The following NOTCH1 variants were observed in gnomAD, a reference collection of about 807,000 sequenced individuals.
The protein encoded by NOTCH1 is notch receptor 1.
NOTCH1 carries 37 observed loss-of-function variants against 254.8 expected under a neutral mutation model. That is an observed-to-expected ratio of 0.15 (90% confidence interval 0.11 to 0.19). The LOEUF (loss-of-function observed/expected upper bound fraction) is 0.19. Ranked by LOEUF, NOTCH1 falls within the 10% of genes least tolerant of loss-of-function variation. The pLI, the probability that NOTCH1 is intolerant of heterozygous loss-of-function variation, is 1.00. For synonymous variants in NOTCH1, 1,731 were observed against 1,618.1 expected (o/e 1.07, Z -1.68); for missense variants, 2,972 against 3,708.6 (o/e 0.80, Z 5.16).
chr9:136,515,181 G>T, intron 12 of NOTCH1, 109 bp downstream of exon 12: 1 of 991,498 alleles, frequency 1.0e-6, no homozygotes, highest in Non-Finnish European at 1.6e-6. Flanking sequence ...GTCTGCCCAG[G>T]TGGGCAGCAC....
Position 136,522,038 on chromosome 9 carries a change from C to A in NOTCH1, c.742+812G>T, listed in dbSNP as rs576546203. Among the ~76,000 whole-genome samples the A allele has an allele frequency of 2.0e-3, 289 of 148,014 alleles. 1 individual carries two copies. The highest frequency in any genetic ancestry group is 3.7e-3 in the Admixed American group (55 of 14,768). ...TGTCGCCCAGGCTGGAGTGCAGTGG[C>A]GGGATCTCGGCTCACTGCAACCTCC... On this transcript the variant is annotated intron_variant, in intron 4 of 33. Transcript: ENST00000651671.
chr9:136,512,920 G>GGC (rs1843203901), intron 15 of NOTCH1, 101 bp downstream of exon 15: 3 of 350,154 alleles, frequency 8.6e-6, no homozygotes, highest in South Asian at 2.3e-5. Context: ...CCCACCCCTG[G>GGC]CCCCACCCTC....
At chr9:136,522,168 G>C (rs1414012739) in intron 4 of NOTCH1, among the ~76,000 whole-genome samples, 1 of 151,980 alleles carries the variant, frequency 6.6e-6, no homozygotes, top group Non-Finnish European at 1.5e-5. Flanking sequence ...TAGTAGAGAC[G>C]GGGTTTCGCC....
Position 136,505,661 on chromosome 9 carries a change from T to C in NOTCH1, c.4235A>G (p.Tyr1412Cys), listed in dbSNP as rs2133340251. The stretch of plus-strand genomic sequence containing the variant: ...GAATTTGGCGGGGCACAGGCAACGG[T>C]AGAAGGGGCTCTCGGATGTGGGCTC... ...TCEPTSESPF[Y>C]RCLCPAKFNG... is the part of the protein sequence containing the mutation. Residue 1412 changes from tyrosine to cysteine, a missense_variant, in exon 25 of 34, where the codon TAC becomes TGC. Tyr to Cys is a radical substitution (Grantham distance 194). Coordinates refer to ENST00000651671, the MANE Select transcript of NOTCH1 (RefSeq NM_017617.5). The C allele has an allele frequency of 6.2e-7, 1 of 1,611,574 alleles. No individual in the cohort carries two copies. Among genetic ancestry groups the C allele is most frequent in the Non-Finnish European group, 8.5e-7 (1 of 1,179,228 alleles).
intron 18 of NOTCH1, 100 bp downstream of exon 18, chr9:136,509,633 C>T (rs891836956): frequency 4.9e-5 from 53 of 1,073,874 alleles, no homozygotes; most frequent in East Asian, 3.5e-4. Flanking sequence ...AGTGCCCAGC[C>T]GGCCTAGGCG....
At chr9:136,534,485 C>T (rs1410956989) in intron 2 of NOTCH1, among the ~76,000 whole-genome samples, 1 of 152,160 alleles carries the variant, frequency 6.6e-6, no homozygotes, top group African/African-American at 2.4e-5. Flanking sequence ...ACGACTATTT[C>T]TTGGGGAAAA....
rs1164903674 is a variant in NOTCH1, at chr9:136,495,201, C to G, written c.*870G>C. 3 of 399,064 alleles carry G rather than the reference C, an allele frequency of 7.5e-6. No homozygotes were observed. In the East Asian group the frequency reaches 1.1e-4, roughly 14 times the overall value. 24.7% of individuals were successfully genotyped at this position (399,064 alleles called of 1,614,324 possible). On this transcript the variant is annotated 3_prime_UTR_variant, in exon 34 of 34. Transcript: ENST00000651671. ...AAGGGTAGGATGCCTCCGTGTGTGACCCAGGCAAGTGCCACAGTCCACACA... is the reference window on the plus strand; with the variant it reads ...AAGGGTAGGATGCCTCCGTGTGTGAGCCAGGCAAGTGCCACAGTCCACACA...
chr9:136,538,363 C>T (rs1269627414), intron 2 of NOTCH1, among the ~76,000 whole-genome samples: 1 of 152,050 alleles, frequency 6.6e-6, no homozygotes, highest in Non-Finnish European at 1.5e-5. Context: ...ACGCCTTCAG[C>T]CCGCCCCAGG....
chr9:136,518,452 G>A (rs1014666803), intron 6 of NOTCH1, 139 bp downstream of exon 6: 74 of 1,122,750 alleles, frequency 6.6e-5, no homozygotes, highest in Non-Finnish European at 8.9e-5. Flanking sequence ...GACTCACAGC[G>A]ACCACCGGCC....
chr9:136,500,153 A>T (rs934655864), intron 31 of NOTCH1, among the ~76,000 whole-genome samples: 1 of 152,058 alleles, frequency 6.6e-6, no homozygotes, highest in Non-Finnish European at 1.5e-5. Flanking sequence ...CAGCCTCTAA[A>T]CCCTGCTTCT....
rs766784990 is a variant in NOTCH1 at position 136,510,798 on chromosome 9, G to A, written c.2595C>T (p.Thr865=). 2 of 1,609,422 alleles carry A rather than the reference G, an allele frequency of 1.2e-6. No individual in the cohort carries two copies. The highest frequency in any genetic ancestry group is 1.3e-5 in the African/African-American group (1 of 75,064). ...CGCACTCGTTGATGTCGACCTCACA[G>A]GTCTGCCCTGCGGGGCAGGAGGAGG... ...CVCPTGWQGQ[T]CEVDINECVL... Residue 865 remains threonine (T), a synonymous_variant, in exon 17 of 34, where the codon ACC becomes ACT. Transcript: ENST00000651671.
At chr9:136,529,509 G>A (rs944947023) in intron 2 of NOTCH1, among the ~76,000 whole-genome samples, 3 of 152,204 alleles carry the variant, frequency 2.0e-5, no homozygotes, top group Non-Finnish European at 2.9e-5. Context: ...CCACTGGAAC[G>A]GCCAAGCAGC....
chr9:136,514,131 C>G (rs1252342614), intron 13 of NOTCH1, among the ~76,000 whole-genome samples: 1 of 152,236 alleles, frequency 6.6e-6, no homozygotes, highest in Non-Finnish European at 1.5e-5. Context: ...CACGTGCCTT[C>G]TCTGCGCCAA....
chr9:136,519,671 C>T, intron 4 of NOTCH1, 106 bp from the exon 5 acceptor site: 3 of 1,570,468 alleles, frequency 1.9e-6, no homozygotes, highest in Non-Finnish European at 2.6e-6. Flanking sequence ...CTCCACGGCC[C>T]TGCCCTGGGG....
In NOTCH1 at chr9:136,497,423, G is replaced by T; in HGVS notation, c.6316C>A (p.His2106Asn). 6.2e-7 allele frequency: 1 copy of T among 1,611,958 alleles called. No individual in the cohort carries two copies. Among genetic ancestry groups the T allele is most frequent in the Non-Finnish European group, 8.5e-7 (1 of 1,179,924 alleles). ...LPRDIAQERM[H>N]HDIVRLLDEY... is the part of the protein sequence containing the mutation. ...TCCAGCAGCCTCACGATGTCGTGAT[G>T]CATGCGCTCCTGTGCGATGTCGCGC... Residue 2106 changes from histidine to asparagine, a missense_variant, in exon 34 of 34, where the codon CAT (histidine) becomes AAT (asparagine). Transcript: ENST00000651671.
Position 136,497,207 on chromosome 9 carries a change from C to G in NOTCH1, c.6532G>C (p.Ala2178Pro), listed in dbSNP as rs1197184303. ...CGSKEAKDLK[A>P]RRKKSQDGKG... ...CCGTCCTGGGACTTCTTCCTCCGTG[C>G]CTTGAGGTCCTTGGCCTCCTTGCTT... The change falls in exon 34 of 34, where the codon GCA (alanine) becomes CCA (proline). Residue 2178 changes from alanine (A) to proline (P), a missense_variant. Transcript: ENST00000651671. 1 of 1,612,790 alleles carries G rather than the reference C, an allele frequency of 6.2e-7. No individual in the cohort carries two copies.
rs756271917 is a variant in NOTCH1 at position 136,501,800 on chromosome 9, C to T, written c.5586G>A (p.Pro1862=). The T allele has an allele frequency of 5.6e-6, 9 of 1,612,684 alleles. No homozygotes were observed. The highest frequency in any genetic ancestry group is 7.6e-6 in the Non-Finnish European group (9 of 1,179,964). Residue 1862 remains proline, a synonymous_variant, in exon 30 of 34, where the codon CCG becomes CCA. Coordinates refer to ENST00000651671, the MANE Select transcript of NOTCH1 (RefSeq NM_017617.5). ...AGTCGGCGTCAACCTCACCCTGGGG[C>T]GGTGTGGGGGCCATGGCAGACATGC... The part of the protein sequence containing the change: ...DLRMSAMAPT[P]PQGEVDADCM...
chr9:136,515,985 C>A lies in NOTCH1; in HGVS notation c.1665G>T (p.Thr555=). The A allele has an allele frequency of 6.2e-7, 1 of 1,609,278 alleles. No homozygotes were observed. Among genetic ancestry groups the A allele is most frequent in the South Asian group, 1.1e-5 (1 of 91,038 alleles). The change falls in exon 10 of 34, where the codon ACG becomes ACT. Residue 555 remains threonine (T), a synonymous_variant. Coordinates refer to ENST00000651671, the MANE Select transcript of NOTCH1 (RefSeq NM_017617.5). ...CTGGTGGGCGCCAGCCCGCACCTTC[C>A]GTGCACACACAGGTGTAAGTGTTGG... ...DGPNTYTCVC[T]EGYTGTHCEV... is the part of the protein sequence containing the mutation.
rs61751546 is a variant in NOTCH1 at position 136,508,263 on chromosome 9, G to A, written c.3294C>T (p.Ser1098=). 5,666 of 1,612,598 alleles carry A rather than the reference G, an allele frequency of 3.5e-3. 18 individuals carry two copies. Among genetic ancestry groups the A allele is most frequent in the Non-Finnish European group, 4.2e-3 (4,974 of 1,179,934 alleles). The change falls in exon 20 of 34, where the codon AGC becomes AGT. Residue 1098 remains serine (S), a synonymous_variant. Transcript: ENST00000651671. The part of the protein sequence containing the change: ...GWTGLYCDVP[S]VSCEVAAQRQ... ...GCTGCGCAGCCACCTCACAGGACAC[G>A]CTGGGCACGTCGCAGTAAAGGCCGG...
Sources: gnomAD v4.1 joint callset for allele counts (sites outside exome capture counted in the v4.1 genomes callset) on GRCh38, gnomAD v4.1.1 for gene constraint, MANE v1.5 for transcripts, NCBI Gene and HGNC (gene_info 2026-07-23, HGNC 2026-07-21) for gene names.